Variants in LRBA observed in about 807,000 individuals in gnomAD.
The protein encoded by LRBA is LPS responsive beige-like anchor protein, also known as lipopolysaccharide-responsive and beige-like anchor protein.
In LRBA, 176 loss-of-function variants were observed where a neutral mutation model predicts 330.0. The ratio of observed to expected loss-of-function variants is 0.53; its 90% confidence interval spans 0.47 to 0.60. The LOEUF (loss-of-function observed/expected upper bound fraction) is 0.60, where lower values mean the gene tolerates loss of function less well. Ranked by LOEUF, LRBA falls within the 20% of genes least tolerant of loss-of-function variation. LRBA has a pLI of 0.00. For synonymous variants in LRBA, 1,230 were observed against 1,193.0 expected (o/e 1.03, Z -0.64); for missense variants, 3,259 against 3,444.8 (o/e 0.95, Z 1.35).
intron 40 of LRBA, among the ~76,000 whole-genome samples, chr4:150,536,411 A>G (rs766474758): frequency 1.3e-5 from 2 of 152,196 alleles, no homozygotes; most frequent in Non-Finnish European, 2.9e-5. Flanking sequence ...TTGGGTACCA[A>G]TTTATTTTAA....
intron 11 of LRBA, 76 bp from the exon 12 acceptor site, chr4:150,906,481 C>T (rs1010960313): frequency 4.0e-6 from 3 of 741,390 alleles, no homozygotes; most frequent in Admixed American, 2.4e-5. Flanking sequence ...AGATGTAACC[C>T]TTCCATTCAC....
intron 40 of LRBA, among the ~76,000 whole-genome samples, chr4:150,500,025 T>C (rs1258802942): frequency 2.6e-5 from 4 of 152,056 alleles, no homozygotes; most frequent in African/African-American, 9.7e-5. Context: ...TAGACAGTAA[T>C]AAGTTCTAGT....
At chr4:150,386,280 A>G (rs937891377) in intron 47 of LRBA, among the ~76,000 whole-genome samples, 3 of 152,162 alleles carry the variant, frequency 2.0e-5, no homozygotes, top group Non-Finnish European at 4.4e-5. Context: ...AATGTTTTCT[A>G]AATATTATTT....
At chr4:150,428,258 T>C (rs1170286516) in intron 46 of LRBA, among the ~76,000 whole-genome samples, 1 of 152,074 alleles carries the variant, frequency 6.6e-6, no homozygotes, top group Non-Finnish European at 1.5e-5. Context: ...CATAACTTAA[T>C]ACACTCACCA....
At chr4:150,637,913 T>G (rs1315877471) in intron 37 of LRBA, among the ~76,000 whole-genome samples, 3 of 152,200 alleles carry the variant, frequency 2.0e-5, no homozygotes, top group Non-Finnish European at 4.4e-5. Context: ...AACAGATTAC[T>G]AATGCAGCTC....
chr4:150,817,092 AT>A, intron 31 of LRBA, 31 bp downstream of exon 31: 1 of 1,600,452 alleles, frequency 6.2e-7, no homozygotes, highest in Non-Finnish European at 8.5e-7. Context: ...ATCTAAAAAC[AT>A]TTTTGTTGAA....
intron 43 of LRBA, among the ~76,000 whole-genome samples, chr4:150,470,045 T>G (rs2152065617): frequency 6.6e-6 from 1 of 152,122 alleles, no homozygotes; most frequent in East Asian, 1.9e-4. Flanking sequence ...TAGCCGGGTG[T>G]GGTGGCAGGA....
chr4:150,629,534 G>A (rs1219599816), intron 37 of LRBA, among the ~76,000 whole-genome samples: 1 of 152,092 alleles, frequency 6.6e-6, no homozygotes. Flanking sequence ...AGCTACTTGG[G>A]AGGCTGAGGC....
At chr4:150,425,135 T>C (rs1048423196) in intron 46 of LRBA, among the ~76,000 whole-genome samples, 9 of 152,244 alleles carry the variant, frequency 5.9e-5, no homozygotes, top group Non-Finnish European at 1.2e-4. Flanking sequence ...AGTTCAAAAT[T>C]ATCTCTTTTG....
In LRBA at chr4:150,825,419, T is replaced by C. The variant is rs542985437; in HGVS notation, c.5171+2761A>G. 1.6e-3 allele frequency among the ~76,000 whole-genome samples: 246 copies of C among 152,172 alleles called. 2 individuals are homozygous for C. Among genetic ancestry groups the C allele is most frequent in the Non-Finnish European group, 2.9e-3 (198 of 68,008 alleles). On this transcript the variant is annotated intron_variant, in intron 30 of 56. Transcript: ENST00000651943. ...TTTGCTCTTGTTGCCCAGGCTGGAG[T>C]GCAATGCTGCAGTTTTGGCTCACTG...
chr4:150,755,061 C>T (rs1191112251), intron 35 of LRBA, among the ~76,000 whole-genome samples: 1 of 152,168 alleles, frequency 6.6e-6, no homozygotes, highest in Non-Finnish European at 1.5e-5. Flanking sequence ...GGCCTCTCTC[C>T]CTCTCTCCCT....
chr4:150,970,558 C>CGT (rs886585528), intron 2 of LRBA: 1 of 9,968 alleles, frequency 1.0e-4, no homozygotes, highest in African/African-American at 2.1e-4. Flanking sequence ...TGTGTGTGTA[C>CGT]ACACACACAC....
chr4:150,947,648 C>T (rs1173673069), intron 2 of LRBA, among the ~76,000 whole-genome samples: 1 of 152,020 alleles, frequency 6.6e-6, no homozygotes, highest in Non-Finnish European at 1.5e-5. Flanking sequence ...ACTCTCACTA[C>T]TTTTATTCAA....
chr4:150,614,939 A>G (rs751944593), intron 37 of LRBA, among the ~76,000 whole-genome samples: 1 of 152,274 alleles, frequency 6.6e-6, no homozygotes, highest in African/African-American at 2.4e-5. Context: ...TACCAAAGAC[A>G]AAACAGAAAA....
chr4:150,339,224 A>G (rs1316840140), intron 48 of LRBA, among the ~76,000 whole-genome samples: 1 of 152,174 alleles, frequency 6.6e-6, no homozygotes, highest in African/African-American at 2.4e-5. Flanking sequence ...TAACATATAT[A>G]GAAAATTAAG....
chr4:150,559,684 T>TATA (rs1177307739), intron 40 of LRBA, among the ~76,000 whole-genome samples: 3 of 87,654 alleles, frequency 3.4e-5, no homozygotes, highest in Non-Finnish European at 6.0e-5. Context: ...ATATAATATA[T>TATA]TATATTATAT....
chr4:150,888,509 G>A (rs1729170205), intron 17 of LRBA, among the ~76,000 whole-genome samples: 1 of 152,098 alleles, frequency 6.6e-6, no homozygotes, highest in African/African-American at 2.4e-5. Flanking sequence ...GACAATTGAG[G>A]CAGTTAAAGG....
At position 150,271,456 on chromosome 4, in the gene LRBA, G is replaced by C. The variant is rs920552852; in HGVS notation, c.8469-5644C>G. On this transcript the variant is annotated intron_variant, in intron 56 of 56. Coordinates refer to ENST00000651943, the MANE Select transcript of LRBA (RefSeq NM_001364905.1). ...ACTCCCATGGAGCCCAGCAAGCTAA[G>C]ATCCACTGGCTTGAAATTCTTGCTG... is the stretch of plus-strand genomic sequence containing the variant. 6.7e-5 allele frequency among the ~76,000 whole-genome samples: 10 copies of C among 150,158 alleles called. No individual in the cohort carries two copies. In the East Asian group the frequency reaches 1.4e-3, roughly 20 times the overall value.
At chr4:150,879,308 A>G (rs1262401753) in intron 17 of LRBA, among the ~76,000 whole-genome samples, 5 of 152,200 alleles carry the variant, frequency 3.3e-5, no homozygotes, top group Admixed American at 3.3e-4. Flanking sequence ...CTTTCAATAA[A>G]ATCCAGCATC....
Sources: gnomAD v4.1 joint callset for allele counts (sites outside exome capture counted in the v4.1 genomes callset) on GRCh38, gnomAD v4.1.1 for gene constraint, MANE v1.5 for transcripts, NCBI Gene and HGNC (gene_info 2026-07-23, HGNC 2026-07-21) for gene names.